Variants in NEB observed in about 807,000 individuals in gnomAD.
NEB encodes nemaline myopathy type 2.
In NEB, 512 loss-of-function variants were observed where a neutral mutation model predicts 952.2. The ratio of observed to expected loss-of-function variants is 0.54; its 90% CI spans 0.50 to 0.58. NEB has a LOEUF of 0.58. Among genes scored for constraint, NEB ranks in the 20% least tolerant of loss-of-function variants. NEB has a pLI of 0.00. For synonymous variants in NEB, 2,900 were observed against 3,149.8 expected, an observed-to-expected ratio of 0.92 and a Z score of 2.66; for missense variants, 8,428 against 9,231.1, an observed-to-expected ratio of 0.91 and a Z score of 3.56.
intron 28 of NEB, among the ~76,000 whole-genome samples, chr2:151,684,459 G>A (rs1020036117): frequency 6.6e-6 from 1 of 152,090 alleles, no homozygotes; most frequent in African/African-American, 2.4e-5. Context: ...ACTCACCAGG[G>A]CCTGGCACCA....
intron 177 of NEB, 36 bp from the exon 178 acceptor site, chr2:151,492,317 T>C (rs1470537734): frequency 1.1e-5 from 17 of 1,600,852 alleles, no homozygotes; most frequent in Admixed American, 6.8e-5. Context: ...GAAAATATGA[T>C]GGTGTGACTA....
At chr2:151,546,557 C>CTTTTTTT in intron 133 of NEB, 114 bp from the exon 134 acceptor site, 1 of 352,026 alleles carries the variant, frequency 2.8e-6, no homozygotes, top group Non-Finnish European at 5.0e-6. Context: ...GGTTCATCTA[C>CTTTTTTT]TTTTTTTTTT....
intron 12 of NEB, among the ~76,000 whole-genome samples, chr2:151,709,036 T>A (rs1020893931): frequency 3.9e-5 from 6 of 152,228 alleles, no homozygotes; most frequent in Non-Finnish European, 8.8e-5. Flanking sequence ...TGTGTTTGGC[T>A]TCGAAGTTTA....
intron 138 of NEB, 139 bp from the exon 139 acceptor site, chr2:151,538,383 C>G: frequency 1.6e-6 from 1 of 637,486 alleles, no homozygotes; most frequent in South Asian, 2.0e-5. Context: ...TTATTTCAGA[C>G]CCTAGAAGAG....
intron 23 of NEB, among the ~76,000 whole-genome samples, chr2:151,691,522 T>A (rs1426987250): frequency 6.6e-6 from 1 of 152,208 alleles, no homozygotes; most frequent in Non-Finnish European, 1.5e-5. Context: ...TTTCTCTGTC[T>A]TTCTCAGCAC....
intron 36 of NEB, 111 bp from the exon 37 acceptor site, chr2:151,672,791 C>T (rs1056052054): frequency 1.0e-6 from 1 of 986,670 alleles, no homozygotes; most frequent in Non-Finnish European, 1.5e-6. Flanking sequence ...CAAGAGTGTA[C>T]AAAAAATGCA....
rs1411599530 is a variant in NEB at position 151,690,759 on chromosome 2, G to C, written c.2278C>G (p.Gln760Glu). 1 of 1,598,596 alleles carries C rather than the reference G, an allele frequency of 6.3e-7. No individual in the cohort carries two copies. Among genetic ancestry groups the C allele is most frequent in the South Asian group, 1.1e-5 (1 of 87,704 alleles). The change falls in exon 24 of 182, where the codon CAA (glutamine) becomes GAA (glutamate). Residue 760 changes from glutamine (Q) to glutamate (E), a missense_variant. Around this residue, in one of 11 missense-constraint regions of NEB, gnomAD observed 2,851 missense variants for 2,791.5 expected, o/e 1.02. Coordinates refer to ENST00000397345, the MANE Select transcript of NEB (RefSeq NM_001164508.2). ...AGCTGTTTCGTGTTGAGCTGGGCTTGCAACAGTACAGGAGAATCAGTGACT... is the reference window on the plus strand; with the variant it reads ...AGCTGTTTCGTGTTGAGCTGGGCTTCCAACAGTACAGGAGAATCAGTGACT... ...TAVTDSPVLLQAQLNTKQLSD... is the reference protein window; with the variant it reads ...TAVTDSPVLLEAQLNTKQLSD...
intron 71 of NEB, 88 bp downstream of exon 71, chr2:151,625,446 A>T: frequency 9.9e-7 from 1 of 1,010,314 alleles, no homozygotes; most frequent in African/African-American, 1.6e-5. Flanking sequence ...TAACTGGCTT[A>T]CATGAGGATT....
At chr2:151,558,890 G>A (rs1423677297) in intron 124 of NEB, among the ~76,000 whole-genome samples, 1 of 152,158 alleles carries the variant, frequency 6.6e-6, no homozygotes, top group Non-Finnish European at 1.5e-5. Context: ...ACAGGCATGG[G>A]CAAACACTTC....
chr2:151,490,461 C>T lies in NEB; in HGVS notation c.25208G>A (p.Ser8403Asn), dbSNP rs374494479. ...ATGCTCAGACTTCTCCTCACCCCCA[C>T]TGATGCTTAGTGCACTGGCAGATCG... ...QSRSASALSI[S>N]GGEEKSEHSE... The change falls in exon 180 of 182, where the codon AGT becomes AAT. Residue 8403 changes from serine (S) to asparagine (N), a missense_variant. By Grantham distance (46) the Ser-to-Asn change is conservative. Around this residue, in one of 11 missense-constraint regions of NEB, gnomAD observed 3,374 missense variants for 3,651.5 expected, o/e 0.92. Transcript: ENST00000397345. 2 of 1,608,016 alleles carry T rather than the reference C, an allele frequency of 1.2e-6. No individual in the cohort carries two copies. Among genetic ancestry groups the T allele is most frequent in the Admixed American group, 1.7e-5 (1 of 59,414 alleles).
chr2:151,537,111 A>G (rs903119304), intron 141 of NEB, 21 bp downstream of exon 141: 5 of 1,497,552 alleles, frequency 3.3e-6, no homozygotes, highest in African/African-American at 2.8e-5. Flanking sequence ...GATGAGGCCA[A>G]TTCTCCTTGA....
intron 173 of NEB, 23 bp downstream of exon 173, chr2:151,496,253 T>A: frequency 6.4e-7 from 1 of 1,559,674 alleles, no homozygotes; most frequent in Non-Finnish European, 8.8e-7. Context: ...AGTAAGTAGT[T>A]TTTTTCTTTT....
intron 51 of NEB, among the ~76,000 whole-genome samples, chr2:151,655,063 CA>C (rs2099073754): frequency 6.6e-6 from 1 of 152,060 alleles, no homozygotes; most frequent in African/African-American, 2.4e-5. Context: ...CAGAGATAAA[CA>C]GACACAGAAC....
intron 178 of NEB, 21 bp downstream of exon 178, chr2:151,492,077 C>T (rs2057078380): frequency 6.2e-7 from 1 of 1,612,130 alleles, no homozygotes; most frequent in Non-Finnish European, 8.5e-7. Flanking sequence ...TAATCCCCTC[C>T]CCCAACCCAG....
chr2:151,605,917 C>T (rs1226091749), intron 84 of NEB, among the ~76,000 whole-genome samples: 4,678 of 93,606 alleles, frequency 0.05, 15 homozygotes, highest in Middle Eastern at 0.056. Context: ...ATTCTCCTGC[C>T]TCAGACTCCT....
At chr2:151,506,005 T>C in intron 164 of NEB, 161 bp downstream of exon 164, 1 of 690,000 alleles carries the variant, frequency 1.4e-6, no homozygotes, top group Non-Finnish European at 2.6e-6. Context: ...CTGCACTGAA[T>C]ATGAGATGAC....
chr2:151,716,072 C>T (rs901743158), intron 10 of NEB: 4 of 393,866 alleles, frequency 1.0e-5, no homozygotes, highest in Non-Finnish European at 2.0e-5. Context: ...TTTTATTTTT[C>T]TTCCAAAAAG....
chr2:151,547,201 C>G (rs1348527186), intron 133 of NEB, among the ~76,000 whole-genome samples: 4 of 152,142 alleles, frequency 2.6e-5, no homozygotes, highest in African/African-American at 9.7e-5. Flanking sequence ...ACTGAGTGAT[C>G]AAGAATGATG....
chr2:151,500,591 TCC>T (rs966175057), intron 168 of NEB, among the ~76,000 whole-genome samples: 9 of 132,406 alleles, frequency 6.8e-5, no homozygotes, highest in African/African-American at 2.3e-4. Flanking sequence ...ATTTCTTTCT[TCC>T]TTTTTTTTTT....
Sources: gnomAD v4.1 joint callset for allele counts (sites outside exome capture counted in the v4.1 genomes callset) on GRCh38, gnomAD v4.1.1 for gene constraint, gnomAD v4.1.1 regional missense constraint, MANE v1.5 for transcripts, NCBI Gene and HGNC (gene_info 2026-07-23, HGNC 2026-07-21) for gene names.